PLCXD1: variants seen among roughly 807,000 people sequenced by gnomAD.
PLCXD1 encodes the protein phosphatidylinositol specific phospholipase C X domain containing 1, also known as PI-PLC X domain-containing protein 1.
Under a neutral mutation model 37.8 loss-of-function variants are expected in PLCXD1, and 45 were observed. The observed-to-expected ratio is 1.19, with a 90% CI of 0.94 to 1.53. The LOEUF (loss-of-function observed/expected upper bound fraction) is 1.53, where lower values mean the gene tolerates loss of function less well. Ranked by LOEUF, PLCXD1 falls within the 40% of genes most tolerant of loss-of-function variation. PLCXD1 has a pLI of 0.00. For synonymous variants in PLCXD1, 246 were observed against 206.9 expected (o/e 1.19, Z -1.62); for missense variants, 539 against 454.7 (o/e 1.19, Z -1.69).
upstream of PLCXD1, chrX:281,351 A>ACCCTCCCTCCCTCCCTCCCTCCCT (rs201660794): frequency 6.5e-6 from 1 of 152,716 alleles, no homozygotes; most frequent in African/African-American, 2.5e-5. Flanking sequence ...GGCTCCCGGG[A>ACCCTCCCTCCCTCCCTCCCTCCCT]CCCTCCCTCC....
intron 4 of PLCXD1, 90 bp from the exon 5 acceptor site, chrX:291,409 T>C (rs922307342): frequency 6.8e-7 from 1 of 1,473,688 alleles, no homozygotes; most frequent in Non-Finnish European, 9.4e-7. Context: ...GCCTCCCAAA[T>C]TGCTGGGATG....
At chrX:277,014 C>T (rs1216992655), upstream of PLCXD1, among the ~76,000 whole-genome samples, 3 of 152,170 alleles carry the variant, frequency 2.0e-5, no homozygotes, top group African/African-American at 4.8e-5. Context: ...TGTCCCGCCG[C>T]GACCGTGAAG....
chrX:277,214 C>T (rs1427776531), upstream of PLCXD1, among the ~76,000 whole-genome samples: 3 of 146,572 alleles, frequency 2.0e-5, no homozygotes, highest in Non-Finnish European at 3.0e-5. Context: ...CAGGAGGGGG[C>T]GCCCCTCAGT....
intron 1 of PLCXD1, chrX:283,888 T>G (rs1458480934): frequency 7.5e-6 from 2 of 265,504 alleles, no homozygotes; most frequent in African/African-American, 4.4e-5. Context: ...CTTTTTTTTT[T>G]TTCTTTTTTG....
intron 1 of PLCXD1, among the ~76,000 whole-genome samples, chrX:282,947 A>G (rs1013796598): frequency 1.6e-5 from 1 of 61,258 alleles, no homozygotes; most frequent in Admixed American, 1.5e-4. Context: ...TATATATATT[A>G]TATATATATT....
At position 293,173 on chromosome X, in the gene PLCXD1, G is replaced by C. The variant is rs765730164; in HGVS notation, c.688G>C (p.Ala230Pro). 1 of 1,612,578 alleles carries C rather than the reference G, an allele frequency of 6.2e-7. No homozygotes were observed. The highest frequency in any genetic ancestry group is 8.5e-7 in the Non-Finnish European group (1 of 1,179,764). Residue 230 changes from alanine (A) to proline (P), a missense_variant, in exon 6 of 7, where the codon GCC (alanine) becomes CCC (proline). Coordinates refer to ENST00000381657, the MANE Select transcript of PLCXD1 (RefSeq NM_018390.4). ...GTGGGGAAACAGGGTGAAGACCGAGGCCCTCATCCGATACCTGGAGACCAT... is the reference window on the plus strand; with the variant it reads ...GTGGGGAAACAGGGTGAAGACCGAGCCCCTCATCCGATACCTGGAGACCAT... ...YWWGNRVKTE[A>P]LIRYLETMKS...
rs1287333218 is a variant in PLCXD1 at position 288,759 on chromosome X, C to T, written c.154C>T (p.Leu52=). The part of the protein sequence containing the change: ...PGSHDTMTYC[L]NKKSPISHEE... ...GAGCCACGACACGATGACGTACTGCCTGAACAAGAAGTCCCCCATTTCGCA... is the reference window on the plus strand; with the variant it reads ...GAGCCACGACACGATGACGTACTGCTTGAACAAGAAGTCCCCCATTTCGCA... The change falls in exon 3 of 7, where the codon CTG becomes TTG. Residue 52 remains leucine (L), a synonymous_variant. Coordinates refer to ENST00000381657, the MANE Select transcript of PLCXD1 (RefSeq NM_018390.4). The T allele has an allele frequency of 6.2e-7, 1 of 1,613,896 alleles. No homozygotes were observed. Among genetic ancestry groups the T allele is most frequent in the South Asian group, 1.1e-5 (1 of 91,072 alleles).
intron 2 of PLCXD1, among the ~76,000 whole-genome samples, chrX:284,586 A>G (rs1215708754): frequency 3.1e-3 from 1 of 326 alleles, no homozygotes; most frequent in Admixed American, 0.023. Flanking sequence ...GCATACATGC[A>G]CACACGCACA....
At chrX:297,864 A>T (rs1325167952) in intron 6 of PLCXD1, among the ~76,000 whole-genome samples, 1 of 8,902 alleles carries the variant, frequency 1.1e-4, no homozygotes, top group Non-Finnish European at 1.6e-4. Flanking sequence ...TCTGTCTATC[A>T]CATGGGGATT....
intron 2 of PLCXD1, among the ~76,000 whole-genome samples, chrX:287,814 A>AGCC (rs2069506420): frequency 6.6e-6 from 1 of 151,608 alleles, no homozygotes; most frequent in Non-Finnish European, 1.5e-5. Context: ...ATAGGCAGGA[A>AGCC]ATGCAAACGT....
upstream of PLCXD1, among the ~76,000 whole-genome samples, chrX:276,784 C>A (rs1278920921): frequency 1.3e-5 from 2 of 151,910 alleles, no homozygotes; most frequent in African/African-American, 4.8e-5. Context: ...ACAGCTGGGA[C>A]GGTGGGGATG....
chrX:290,674 T>C lies in PLCXD1; in HGVS notation c.291T>C (p.Asp97=), dbSNP rs1406329839. 2 of 1,613,826 alleles carry C rather than the reference T, an allele frequency of 1.2e-6. No homozygotes were observed. Among genetic ancestry groups the C allele is most frequent in the Admixed American group, 3.3e-5 (2 of 60,016 alleles). The change falls in exon 4 of 7, where the codon GAT becomes GAC. Residue 97 remains aspartate (D), a synonymous_variant. Transcript: ENST00000381657. ...CACTGGACGTCACAGAGCAGCTGGA[T>C]GCCGGGGTGCGGTACCTGGACCTGC... The part of the protein sequence containing the change: ...TQALDVTEQL[D]AGVRYLDLRI...
Position 284,161 on chromosome X carries a change from C to T in PLCXD1, c.-21-6C>T, listed in dbSNP as rs748301938. On this transcript the variant is annotated splice_region_variant and splice_polypyrimidine_tract_variant and intron_variant, in intron 1 of 6. Coordinates refer to ENST00000381657, the MANE Select transcript of PLCXD1 (RefSeq NM_018390.4). The stretch of plus-strand genomic sequence containing the variant: ...AAAAACCTCTTTTCCTCTTCTCCTT[C>T]CTCAGGTTGCCCAGGGCTCACCTCT... 6.2e-7 allele frequency: 1 copy of T among 1,611,944 alleles called. No individual in the cohort carries two copies. The highest frequency in any genetic ancestry group is 1.1e-5 in the South Asian group (1 of 90,992).
At position 281,626 on chromosome X, in the gene PLCXD1, A is replaced by G. The variant is rs760716842; in HGVS notation, c.-80A>G. 6.6e-6 allele frequency: 1 copy of G among 152,232 alleles called. No individual in the cohort carries two copies. Among genetic ancestry groups the G allele is most frequent in the East Asian group, 1.9e-4 (1 of 5,174 alleles). 9.4% of individuals were successfully genotyped at this position (152,232 alleles called of 1,614,324 possible). A position where few individuals can be genotyped will look rare whatever the true frequency, so the allele number is the denominator to read the frequency against. On this transcript the variant is annotated 5_prime_UTR_variant, in exon 1 of 7. Coordinates refer to ENST00000381657, the MANE Select transcript of PLCXD1 (RefSeq NM_018390.4). ...GCGGCCCAGGGAGACCAGGCCTTTCATTCTGGGCTCGAGACCAACAATTCG... is the reference window on the plus strand; with the variant it reads ...GCGGCCCAGGGAGACCAGGCCTTTCGTTCTGGGCTCGAGACCAACAATTCG...
rs369600742 is a variant in PLCXD1 at position 290,685 on chromosome X, G to A, written c.302G>A (p.Arg101Gln). ...ACAGAGCAGCTGGATGCCGGGGTGCGGTACCTGGACCTGCGGATAGCCCAC... is the reference window on the plus strand; with the variant it reads ...ACAGAGCAGCTGGATGCCGGGGTGCAGTACCTGGACCTGCGGATAGCCCAC... ...DVTEQLDAGV[R>Q]YLDLRIAHML... Residue 101 changes from arginine (R) to glutamine (Q), a missense_variant, in exon 4 of 7, where the codon CGG becomes CAG. By Grantham distance (43) the Arg-to-Gln change is conservative. Coordinates refer to ENST00000381657, the MANE Select transcript of PLCXD1 (RefSeq NM_018390.4). The A allele has an allele frequency of 2.6e-5, 42 of 1,613,718 alleles. 1 individual carries two copies. The highest frequency in any genetic ancestry group is 1.2e-4 in the African/African-American group (9 of 75,008).
At chrX:292,227 G>C (rs1333347763) in intron 5 of PLCXD1, among the ~76,000 whole-genome samples, 3 of 151,946 alleles carry the variant, frequency 2.0e-5, no homozygotes, top group Non-Finnish European at 4.4e-5. Context: ...AGGCCGAGGC[G>C]GGCGGATCAT....
At chrX:293,003 C>G in intron 5 of PLCXD1, 32 bp from the exon 6 acceptor site, 1 of 1,552,980 alleles carries the variant, frequency 6.4e-7, no homozygotes, top group Non-Finnish European at 8.8e-7. Context: ...TCTCCTCTCT[C>G]CCCTGCACCC....
At chrX:296,475 C>T (rs113379720) in intron 6 of PLCXD1, among the ~76,000 whole-genome samples, 1 of 152,088 alleles carries the variant, frequency 6.6e-6, no homozygotes, top group African/African-American at 2.4e-5. Flanking sequence ...ACGTCTGTTG[C>T]CTTTGCCGTC....
chrX:300,097 A>C lies in PLCXD1; in HGVS notation c.*762A>C, dbSNP rs1308902710. On this transcript the variant is annotated 3_prime_UTR_variant, in exon 7 of 7. Coordinates refer to ENST00000381657, the MANE Select transcript of PLCXD1 (RefSeq NM_018390.4). ...AAGATGGGGTCTCTCTATGTTGGCCAGGTTGGTCTTGAACTCCTGGCCTCA... is the reference window on the plus strand; with the variant it reads ...AAGATGGGGTCTCTCTATGTTGGCCCGGTTGGTCTTGAACTCCTGGCCTCA... 6.7e-6 allele frequency: 1 copy of C among 149,742 alleles called. No homozygotes were observed. The highest frequency in any genetic ancestry group is 3.3e-3 in the Middle Eastern group (1 of 306). The allele number at this position is 149,742 out of a possible 1,614,324, so 9.3% of individuals were successfully genotyped here.
Sources: gnomAD v4.1 joint callset for allele counts (sites outside exome capture counted in the v4.1 genomes callset) on GRCh38, gnomAD v4.1.1 for gene constraint, MANE v1.5 for transcripts, NCBI Gene and HGNC (gene_info 2026-07-23, HGNC 2026-07-21) for gene names.